Variants in PDE4D observed in about 807,000 individuals in gnomAD.
PDE4D encodes 3',5'-cyclic-AMP phosphodiesterase 4D.
In PDE4D, 24 loss-of-function variants were observed where a neutral mutation model predicts 87.4. The ratio of observed to expected loss-of-function variants is 0.27; its 90% CI spans 0.20 to 0.39. PDE4D has a LOEUF of 0.39. Among genes scored for constraint, PDE4D ranks in the 10% least tolerant of loss-of-function variants. The pLI is 1.00. For missense variants in PDE4D, 714 were observed against 1,041.0 expected, an observed-to-expected ratio of 0.69 and a Z score of 4.32; for synonymous variants, 384 against 383.2, an observed-to-expected ratio of 1.00 and a Z score of -0.02.
intron 1 of PDE4D, among the ~76,000 whole-genome samples, chr5:59,511,703 T>C (rs547301902): frequency 4.3e-4 from 66 of 151,896 alleles, no homozygotes; most frequent in Non-Finnish European, 6.0e-4. Context: ...AATATGAAAA[T>C]GAATAATAAT....
At chr5:59,629,241 T>C (rs1187394260) in intron 1 of PDE4D, among the ~76,000 whole-genome samples, 1 of 152,208 alleles carries the variant, frequency 6.6e-6, no homozygotes, top group African/African-American at 2.4e-5. Flanking sequence ...TGTCCCCCTA[T>C]CAAAATTAAT....
chr5:59,061,852 A>AT (rs1490405893), intron 5 of PDE4D, among the ~76,000 whole-genome samples: 1 of 152,094 alleles, frequency 6.6e-6, no homozygotes, highest in African/African-American at 2.4e-5. Flanking sequence ...AAGCCTGCAT[A>AT]TTTTTTTAAG....
chr5:59,285,805 G>A (rs1766831342), intron 1 of PDE4D, among the ~76,000 whole-genome samples: 1 of 152,098 alleles, frequency 6.6e-6, no homozygotes. Flanking sequence ...AATGGGGAGG[G>A]TGTTTGTGTC....
At chr5:59,379,202 C>A (rs1037239828) in intron 1 of PDE4D, among the ~76,000 whole-genome samples, 1 of 152,110 alleles carries the variant, frequency 6.6e-6, no homozygotes, top group Middle Eastern at 3.4e-3. Context: ...GATGTGTCTG[C>A]GTAACAATCA....
At chr5:60,090,086 G>A (rs144141104) in intron 2 of PDE4D, among the ~76,000 whole-genome samples, 317 of 152,128 alleles carry the variant, frequency 2.1e-3, no homozygotes, top group African/African-American at 7.1e-3. Context: ...TCTGCCAAAC[G>A]ATTAAAGAAT....
chr5:59,778,072 A>C (rs547967874), intron 1 of PDE4D, among the ~76,000 whole-genome samples: 51 of 152,324 alleles, frequency 3.3e-4, no homozygotes, highest in Non-Finnish European at 5.7e-4. Flanking sequence ...ACAAGCATTT[A>C]ATAAGACACA....
chr5:59,769,070 T>TTC (rs761458699), intron 1 of PDE4D, among the ~76,000 whole-genome samples: 146 of 143,482 alleles, frequency 1.0e-3, no homozygotes, highest in Non-Finnish European at 1.7e-3. Context: ...CTTTGTTTTT[T>TTC]TCTCTCTTTT....
intron 1 of PDE4D, among the ~76,000 whole-genome samples, chr5:60,396,725 C>A (rs569687158): frequency 1.3e-5 from 2 of 152,260 alleles, no homozygotes; most frequent in Non-Finnish European, 2.9e-5. Flanking sequence ...ATTTTGCCCC[C>A]AGACAGAGAA....
intron 1 of PDE4D, among the ~76,000 whole-genome samples, chr5:59,689,520 AC>A (rs1166946171): frequency 6.6e-5 from 10 of 152,204 alleles, no homozygotes; most frequent in East Asian, 1.9e-4. Flanking sequence ...AAATTCAACA[AC>A]CCTTCATGCT....
chr5:59,127,811 C>G (rs1775676437), intron 5 of PDE4D, among the ~76,000 whole-genome samples: 1 of 151,966 alleles, frequency 6.6e-6, no homozygotes, highest in African/African-American at 2.4e-5. Flanking sequence ...TGCCTGGGCT[C>G]TCAGCAAAAT....
intron 1 of PDE4D, among the ~76,000 whole-genome samples, chr5:60,468,148 G>GTT (rs945881360): frequency 1.1e-5 from 1 of 92,588 alleles, no homozygotes; most frequent in African/African-American, 4.8e-5. Flanking sequence ...TTTTTTTTTT[G>GTT]TTTTTTTTGA....
At chr5:60,263,013 A>C (rs922196655) in intron 1 of PDE4D, among the ~76,000 whole-genome samples, 31 of 152,112 alleles carry the variant, frequency 2.0e-4, no homozygotes, top group Admixed American at 1.9e-3. Context: ...ATAAACAAAA[A>C]CTCAGTCTTC....
chr5:59,901,223 A>G (rs1455993584), intron 3 of PDE4D, among the ~76,000 whole-genome samples: 1 of 152,176 alleles, frequency 6.6e-6, no homozygotes, highest in Non-Finnish European at 1.5e-5. Context: ...TGGATGACAA[A>G]TGGGAGAAAT....
intron 3 of PDE4D, among the ~76,000 whole-genome samples, chr5:59,189,284 T>C (rs1317009131): frequency 7.1e-6 from 1 of 141,532 alleles, no homozygotes; most frequent in Non-Finnish European, 1.5e-5. Context: ...AGTTTTGCTC[T>C]TGTTGCCCAG....
At chr5:59,459,045 A>G (rs1446533303) in intron 1 of PDE4D, among the ~76,000 whole-genome samples, 1 of 152,208 alleles carries the variant, frequency 6.6e-6, no homozygotes, top group African/African-American at 2.4e-5. Flanking sequence ...TTCGATGATT[A>G]ATTTATTTTT....
intron 1 of PDE4D, among the ~76,000 whole-genome samples, chr5:60,380,652 T>A (rs894698594): frequency 1.3e-4 from 20 of 152,160 alleles, no homozygotes; most frequent in Admixed American, 3.3e-4. Flanking sequence ...TTGGAGATTG[T>A]TTGTTAGCGC....
intron 1 of PDE4D, among the ~76,000 whole-genome samples, chr5:60,322,847 T>C (rs1232400783): frequency 6.6e-6 from 1 of 152,204 alleles, no homozygotes; most frequent in Non-Finnish European, 1.5e-5. Flanking sequence ...CAGTCTACCT[T>C]TTTCCTCATA....
intron 2 of PDE4D, among the ~76,000 whole-genome samples, chr5:60,166,087 T>C (rs1212223921): frequency 6.6e-6 from 1 of 152,156 alleles, no homozygotes; most frequent in Non-Finnish European, 1.5e-5. Context: ...AAAAACACTT[T>C]ATAAAATTTA....
At chr5:59,080,419 C>T (rs1271081719) in intron 5 of PDE4D, among the ~76,000 whole-genome samples, 1 of 152,156 alleles carries the variant, frequency 6.6e-6, no homozygotes, top group Non-Finnish European at 1.5e-5. Context: ...TTAAATCAAT[C>T]CTTAAAACTG....
Sources: allele counts gnomAD v4.1 joint callset (sites outside exome capture counted in the v4.1 genomes callset), GRCh38; gene constraint gnomAD v4.1.1; transcripts MANE v1.5; gene names NCBI Gene and HGNC (gene_info 2026-07-23, HGNC 2026-07-21).